DLGAP2: variants seen among roughly 807,000 people sequenced by gnomAD.
DLGAP2 encodes DLG associated protein 2.
DLGAP2 carries 26 observed loss-of-function variants against 100.3 expected under a neutral mutation model. The observed-to-expected ratio is 0.26, with a 90% CI of 0.19 to 0.36. The LOEUF (loss-of-function observed/expected upper bound fraction) is 0.36. Ranked by LOEUF, DLGAP2 falls within the 10% of genes least tolerant of loss-of-function variation. The pLI is 1.00. For missense variants in DLGAP2, 1,858 were observed against 1,453.2 expected, an observed-to-expected ratio of 1.28 and a Z score of -4.53; for synonymous variants, 886 against 630.1, an observed-to-expected ratio of 1.41 and a Z score of -6.08.
At chr8:1,006,230 C>A (rs1460540150) in intron 2 of DLGAP2, among the ~76,000 whole-genome samples, 1 of 152,128 alleles carries the variant, frequency 6.6e-6, no homozygotes. Context: ...ATCCCCCAAC[C>A]CCTGAAAAAG....
At position 1,132,678 on chromosome 8, in the gene DLGAP2, G is replaced by C. The variant is rs577422369; in HGVS notation, c.74-126173G>C. Among the ~76,000 whole-genome samples the C allele has an allele frequency of 1.1e-3, 167 of 152,344 alleles. 1 individual carries two copies. The highest frequency in any genetic ancestry group is 3.8e-3 in the African/African-American group (156 of 41,580). On this transcript the variant is annotated intron_variant, in intron 2 of 14. Transcript: ENST00000637795. ...GGAGAGCACTGGGCAAGGAGACCAG[G>C]CAGCTGCCGCTCTAATCCTGGCCTC... is the stretch of plus-strand genomic sequence containing the variant.
intron 3 of DLGAP2, among the ~76,000 whole-genome samples, chr8:1,327,913 G>T (rs890158595): frequency 6.6e-6 from 1 of 152,178 alleles, no homozygotes; most frequent in Non-Finnish European, 1.5e-5. Flanking sequence ...TAATTCTGAT[G>T]GATCTTCCTC....
At chr8:1,609,326 A>G (rs1025634396) in intron 6 of DLGAP2, among the ~76,000 whole-genome samples, 4 of 138,388 alleles carry the variant, frequency 2.9e-5, no homozygotes, top group Non-Finnish European at 6.4e-5. Context: ...AATACTTTAC[A>G]GACAAGCAAA....
rs545242845 is a variant in DLGAP2 at position 1,697,240 on chromosome 8, G to T, written c.2890G>T (p.Asp964Tyr). 3 of 1,611,140 alleles carry T rather than the reference G, an allele frequency of 1.9e-6. No individual in the cohort carries two copies. Among genetic ancestry groups the T allele is most frequent in the Admixed American group, 3.3e-5 (2 of 59,814 alleles). ...CATTGAGGACGTCAGCATGAAGTTC[G>T]ACGAGCTGCAGCGGCTGCGGCTCAA... ...LSIEDVSMKF[D>Y]ELQRLRLNDW... is the part of the protein sequence containing the mutation. The change falls in exon 14 of 15, where the codon GAC becomes TAC. Residue 964 changes from aspartate to tyrosine, a missense_variant. Transcript: ENST00000637795.
intron 4 of DLGAP2, among the ~76,000 whole-genome samples, chr8:1,521,036 C>T (rs1305597409): frequency 1.3e-5 from 2 of 152,170 alleles, no homozygotes; most frequent in African/African-American, 4.8e-5. Context: ...GGTCTGGATT[C>T]TGGCCGTTCT....
chr8:1,669,017 G>A (rs930390433), intron 9 of DLGAP2, among the ~76,000 whole-genome samples: 5 of 152,224 alleles, frequency 3.3e-5, no homozygotes, highest in Non-Finnish European at 7.3e-5. Flanking sequence ...ACACTGTTTT[G>A]ATGCTTTAAA....
intron 2 of DLGAP2, among the ~76,000 whole-genome samples, chr8:1,104,197 C>A (rs1490990668): frequency 6.6e-6 from 1 of 152,170 alleles, no homozygotes; most frequent in Non-Finnish European, 1.5e-5. Context: ...GCATCCAGCC[C>A]CGGCCACGGT....
At chr8:1,466,487 C>T (rs1441727471) in intron 3 of DLGAP2, among the ~76,000 whole-genome samples, 3 of 151,592 alleles carry the variant, frequency 2.0e-5, no homozygotes, top group Non-Finnish European at 2.9e-5. Flanking sequence ...CACAGGGTAT[C>T]AGGTACCAGG....
chr8:1,197,625 C>G (rs577665643), intron 2 of DLGAP2, among the ~76,000 whole-genome samples: 13 of 150,676 alleles, frequency 8.6e-5, no homozygotes, highest in African/African-American at 2.9e-4. Flanking sequence ...GGGCCACCAG[C>G]TGTCCATATA....
chr8:1,455,314 C>G (rs1175752782), intron 3 of DLGAP2, among the ~76,000 whole-genome samples: 1 of 152,230 alleles, frequency 6.6e-6, no homozygotes, highest in Admixed American at 6.5e-5. Context: ...TCTGGAGCTG[C>G]CTGCCTGCAG....
intron 3 of DLGAP2, among the ~76,000 whole-genome samples, chr8:1,367,716 C>T (rs1216203228): frequency 6.6e-6 from 1 of 152,228 alleles, no homozygotes; most frequent in Non-Finnish European, 1.5e-5. Context: ...ATGCGTGTCT[C>T]ATTTAAAACG....
At chr8:1,263,101 A>G (rs1055789499) in intron 3 of DLGAP2, among the ~76,000 whole-genome samples, 1 of 152,232 alleles carries the variant, frequency 6.6e-6, no homozygotes, top group Non-Finnish European at 1.5e-5. Context: ...TTATTATATA[A>G]ATGTAGCATT....
rs372933252 is a variant in DLGAP2 at position 1,632,970 on chromosome 8, C to T, written c.1734C>T (p.Ala578=). The T allele has an allele frequency of 8.6e-5, 138 of 1,613,880 alleles. No homozygotes were observed. The highest frequency in any genetic ancestry group is 4.9e-4 in the Middle Eastern group (3 of 6,084). ...ACAGCTACCTTCGAGCCATTCAAGC[C>T]GGCTACTCCCAAGATGACGAATGTA... is the stretch of plus-strand genomic sequence containing the variant. ...RSHSYLRAIQ[A]GYSQDDECIP... Residue 578 remains alanine (A), a synonymous_variant, in exon 8 of 15, where the codon GCC becomes GCT. Coordinates refer to ENST00000637795, the MANE Select transcript of DLGAP2 (RefSeq NM_001346810.2).
At chr8:1,092,082 T>G (rs1490296435) in intron 2 of DLGAP2, among the ~76,000 whole-genome samples, 2 of 152,162 alleles carry the variant, frequency 1.3e-5, no homozygotes, top group African/African-American at 4.8e-5. Context: ...GCGTGTCTCC[T>G]CTCCATGTTT....
intron 2 of DLGAP2, among the ~76,000 whole-genome samples, chr8:1,028,346 C>T (rs1310804427): frequency 2.1e-5 from 3 of 140,620 alleles, no homozygotes; most frequent in Admixed American, 7.0e-5. Context: ...GGGTGTCAGG[C>T]GCCCGTTATT....
At position 1,193,049 on chromosome 8, in the gene DLGAP2, C is replaced by A. The variant is rs560397532; in HGVS notation, c.74-65802C>A. On this transcript the variant is annotated intron_variant, in intron 2 of 14. Coordinates refer to ENST00000637795, the MANE Select transcript of DLGAP2 (RefSeq NM_001346810.2). Reference sequence around the variant, plus strand: ...AGTATTCCATGGTGTATATGTGCCACATTTTCTTAATCCAGTCTATCATTG... The same window carrying A: ...AGTATTCCATGGTGTATATGTGCCAAATTTTCTTAATCCAGTCTATCATTG... Among the ~76,000 whole-genome samples the A allele has an allele frequency of 3.3e-5, 5 of 152,246 alleles. No homozygotes were observed. The East Asian group carries it at 9.6e-4, about 29-fold the overall frequency.
chr8:1,311,816 C>T (rs984418992), intron 3 of DLGAP2, among the ~76,000 whole-genome samples: 6 of 151,996 alleles, frequency 3.9e-5, no homozygotes, highest in Admixed American at 3.9e-4. Flanking sequence ...CAACATTATG[C>T]AATAATAGAG....
In DLGAP2 at chr8:1,042,992, ATGTGGGTGGTGGG is replaced by A. The variant is rs1440834692; in HGVS notation, c.73+135052_73+135064del. Among the ~76,000 whole-genome samples, 429 of 61,054 alleles carry A rather than the reference ATGTGGGTGGTGGG, an allele frequency of 7.0e-3. 7 individuals carry two copies. Among genetic ancestry groups the A allele is most frequent in the Non-Finnish European group, 0.01 (313 of 30,870 alleles). The allele number at this position is 61,054 out of a possible 152,430, so 40.1% of individuals were successfully genotyped here. A position where few individuals can be genotyped will look rare whatever the true frequency, so the allele number is the denominator to read the frequency against. On this transcript the variant is annotated intron_variant, in intron 2 of 14. Coordinates refer to ENST00000637795, the MANE Select transcript of DLGAP2 (RefSeq NM_001346810.2). Reference sequence around the variant, plus strand: ...TGTGGGTGGTGGATGTGGGTGATGGATGTGGGTGGTGGGTGTGGGTGGTGGGTGTGGGTGGTGG... The same window carrying A: ...TGTGGGTGGTGGATGTGGGTGATGGATGTGGGTGGTGGGTGTGGGTGGTGG...
chr8:1,410,832 A>ATTT (rs33928314), intron 3 of DLGAP2, among the ~76,000 whole-genome samples: 11 of 135,230 alleles, frequency 8.1e-5, no homozygotes, highest in Non-Finnish European at 1.8e-4. Context: ...CTCTGGAGCC[A>ATTT]TTTTTTTTTT....
Sources: gnomAD v4.1 joint callset for allele counts (sites outside exome capture counted in the v4.1 genomes callset) on GRCh38, gnomAD v4.1.1 for gene constraint, MANE v1.5 for transcripts, NCBI Gene and HGNC (gene_info 2026-07-23, HGNC 2026-07-21) for gene names.